The following RILPL1 variants were observed in gnomAD, a reference collection of about 807,000 sequenced individuals.
RILPL1 encodes RILP-like protein 1.
Under a neutral mutation model 50.3 loss-of-function variants are expected in RILPL1, and 33 were observed. That is an observed-to-expected ratio of 0.66 (90% CI 0.50 to 0.88). RILPL1 has a LOEUF of 0.88. Among genes scored for constraint, RILPL1 ranks in the 40% least tolerant of loss-of-function variants. The pLI is 0.00. For synonymous variants in RILPL1, 205 were observed against 228.6 expected (o/e 0.90, Z 0.93); for missense variants, 418 against 542.5 (o/e 0.77, Z 2.28).
chr12:123,484,181 G>A lies in RILPL1; in HGVS notation c.1066C>T (p.Leu356=). Reference sequence around the variant, plus strand: ...AGAAGCTGGCAGCGCATCACTTACAGTCGCTTGATGCCCGACTCCGGCTGG... The same window carrying A: ...AGAAGCTGGCAGCGCATCACTTACAATCGCTTGATGCCCGACTCCGGCTGG... ...SPQPESGIKR[L]FSFFSRDKKR... The change falls in exon 6 of 7, where the codon CTG becomes TTG. Residue 356 remains leucine, a splice_region_variant and synonymous_variant. Transcript: ENST00000376874. 1 of 1,602,414 alleles carries A rather than the reference G, an allele frequency of 6.2e-7. No individual in the cohort carries two copies. The highest frequency in any genetic ancestry group is 1.1e-5 in the South Asian group (1 of 90,842).
chr12:123,502,073 T>A (rs1197439212), intron 2 of RILPL1, among the ~76,000 whole-genome samples: 1 of 101,860 alleles, frequency 9.8e-6, no homozygotes, highest in African/African-American at 3.6e-5. Context: ...AGAGTGAAAC[T>A]TCGTCTCAAA....
chr12:123,504,370 C>A (rs1883605062), intron 2 of RILPL1, among the ~76,000 whole-genome samples: 1 of 152,290 alleles, frequency 6.6e-6, no homozygotes, highest in South Asian at 2.1e-4. Context: ...CTGACCTCCT[C>A]TCTCTTGTCT....
At chr12:123,510,219 G>A (rs1183324160) in intron 2 of RILPL1, among the ~76,000 whole-genome samples, 2 of 152,236 alleles carry the variant, frequency 1.3e-5, no homozygotes, top group African/African-American at 4.8e-5. Context: ...AGGGATTCCC[G>A]GGCCATGTGG....
At chr12:123,519,056 C>CAAAAAAAAAA (rs71652717) in intron 2 of RILPL1, among the ~76,000 whole-genome samples, 13 of 58,452 alleles carry the variant, frequency 2.2e-4, no homozygotes, top group African/African-American at 9.2e-4. Context: ...GACTCCATCT[C>CAAAAAAAAAA]AAAAAAAAAA....
intron 2 of RILPL1, among the ~76,000 whole-genome samples, chr12:123,503,245 G>A (rs1270606991): frequency 7.8e-6 from 1 of 127,456 alleles, no homozygotes; most frequent in Non-Finnish European, 1.6e-5. Flanking sequence ...CTGTAGCCCA[G>A]GCTGGAGTGC....
At position 123,485,293 on chromosome 12, in the gene RILPL1, C is replaced by T. The variant is rs552970753; in HGVS notation, c.974+340G>A. 2.2e-6 allele frequency: 1 copy of T among 459,350 alleles called. No homozygotes were observed. Among genetic ancestry groups the T allele is most frequent in the African/African-American group, 2.0e-5 (1 of 50,356 alleles). 28.5% of individuals were successfully genotyped at this position (459,350 alleles called of 1,614,324 possible). A position where few individuals can be genotyped will look rare whatever the true frequency, so the allele number is the denominator to read the frequency against. On this transcript the variant is annotated intron_variant, in intron 5 of 6. Coordinates refer to ENST00000376874, the MANE Select transcript of RILPL1 (RefSeq NM_178314.5). This position sits in a 1 kb window ranked among gnomAD's most constrained non-coding sequence, Gnocchi z 4.0. ...TGAAAAGGGCCACATAGACCATTAACACCGGGGCCGGGTTTCATTCATTCA... is the reference window on the plus strand; with the variant it reads ...TGAAAAGGGCCACATAGACCATTAATACCGGGGCCGGGTTTCATTCATTCA...
At chr12:123,507,040 GAGA>G (rs1267929823) in intron 2 of RILPL1, among the ~76,000 whole-genome samples, 3 of 152,328 alleles carry the variant, frequency 2.0e-5, no homozygotes, top group East Asian at 1.9e-4. Flanking sequence ...TGGCTAAAAT[GAGA>G]AGGACTGACA....
intron 4 of RILPL1, among the ~76,000 whole-genome samples, chr12:123,495,437 C>T (rs1284421661): frequency 6.7e-5 from 10 of 148,346 alleles, no homozygotes; most frequent in Non-Finnish European, 1.0e-4. Flanking sequence ...TGCAGTGGTG[C>T]GATCTCGGCT....
At chr12:123,529,955 C>G (rs2139394568) in intron 1 of RILPL1, among the ~76,000 whole-genome samples, 1 of 151,856 alleles carries the variant, frequency 6.6e-6, no homozygotes, top group South Asian at 2.1e-4. Context: ...AAGTCAGTAG[C>G]CACACGTGGC....
At chr12:123,488,059 C>T (rs894330320) in intron 4 of RILPL1, among the ~76,000 whole-genome samples, 1 of 152,126 alleles carries the variant, frequency 6.6e-6, no homozygotes, top group African/African-American at 2.4e-5. Flanking sequence ...CGTGACCAAC[C>T]AGGAGTAGAC....
intron 2 of RILPL1, among the ~76,000 whole-genome samples, chr12:123,509,563 CA>C (rs367583334): frequency 0.045 from 3,997 of 89,384 alleles, 65 homozygotes; most frequent in Non-Finnish European, 0.066. Flanking sequence ...AACTCCGTCT[CA>C]AAAAAAAAAA....
chr12:123,516,341 C>T (rs1008873033), intron 2 of RILPL1, among the ~76,000 whole-genome samples: 4 of 152,244 alleles, frequency 2.6e-5, no homozygotes, highest in Admixed American at 2.0e-4. Context: ...TCCAGCTCCT[C>T]GCCTAAGGGC....
At chr12:123,493,750 C>T (rs900309777) in intron 4 of RILPL1, among the ~76,000 whole-genome samples, 1 of 151,930 alleles carries the variant, frequency 6.6e-6, no homozygotes. Context: ...GGACCCGGCC[C>T]GATGCCTTCA....
intron 6 of RILPL1, chr12:123,475,405 TG>T (rs1881518817): frequency 2.0e-6 from 1 of 503,854 alleles, no homozygotes; most frequent in East Asian, 3.4e-5. Flanking sequence ...ATGGGCAAGG[TG>T]GTTTTAAAAC....
intron 2 of RILPL1, among the ~76,000 whole-genome samples, chr12:123,501,130 T>A (rs2139342761): frequency 6.7e-6 from 1 of 150,320 alleles, no homozygotes; most frequent in East Asian, 2.0e-4. Flanking sequence ...GTAAATAAAA[T>A]TTAAAAATAA....
At chr12:123,501,692 G>A (rs1454444307) in intron 2 of RILPL1, among the ~76,000 whole-genome samples, 3 of 150,196 alleles carry the variant, frequency 2.0e-5, no homozygotes, top group Non-Finnish European at 4.4e-5. Flanking sequence ...CCCGGGAGGC[G>A]GAGGTTGCAG....
Position 123,498,745 on chromosome 12 carries a change from C to T in RILPL1, c.600G>A (p.Arg200=), listed in dbSNP as rs1279610864. ...GAAGGTCATGGTTGATCTTCATCAG[C>T]CGTGTCTGCTGCTGCTGTAACTGTA... The part of the protein sequence containing the change: ...DVEALQQQQT[R]LMKINHDLRH... The change falls in exon 4 of 7, where the codon CGG becomes CGA. Residue 200 remains arginine (R), a synonymous_variant. Coordinates refer to ENST00000376874, the MANE Select transcript of RILPL1 (RefSeq NM_178314.5). The surrounding 1 kb of genome is among the most constrained non-coding windows in gnomAD (Gnocchi z 4.3). 7 of 1,612,942 alleles carry T rather than the reference C, an allele frequency of 4.3e-6. No individual in the cohort carries two copies. The African/African-American group carries it at 8.0e-5, about 18-fold the overall frequency.
intron 1 of RILPL1, among the ~76,000 whole-genome samples, chr12:123,532,018 T>A (rs1417296431): frequency 6.6e-6 from 1 of 152,232 alleles, no homozygotes; most frequent in Non-Finnish European, 1.5e-5. Flanking sequence ...ATGGTGCTGT[T>A]ACCTACCTGT....
In RILPL1 at chr12:123,533,233, G is replaced by C; in HGVS notation, c.250C>G (p.Leu84Val). Residue 84 changes from leucine to valine, a missense_variant, in exon 1 of 7, where the codon CTG becomes GTG. Transcript: ENST00000376874. The surrounding 1 kb of genome is among the most constrained non-coding windows in gnomAD (Gnocchi z 6.2). ...APELDELRLE[L>V]DRLRLERMDR... ...ATCCTCTCCAGGCGCAGGCGGTCCA[G>C]CTCCAGGCGCAGCTCGTCCAGCTCG... 1 of 1,593,574 alleles carries C rather than the reference G, an allele frequency of 6.3e-7. No homozygotes were observed. The highest frequency in any genetic ancestry group is 1.1e-5 in the South Asian group (1 of 89,062).
Sources: gnomAD v4.1 joint callset for allele counts (sites outside exome capture counted in the v4.1 genomes callset) on GRCh38, gnomAD v4.1.1 for gene constraint, Gnocchi (gnomAD v3.1) non-coding constraint, MANE v1.5 for transcripts, NCBI Gene and HGNC (gene_info 2026-07-23, HGNC 2026-07-21) for gene names.